The following MACROD2 variants were observed in gnomAD, a reference collection of about 807,000 sequenced individuals.
MACROD2 encodes ADP-ribose glycohydrolase MACROD2.
MACROD2 carries 36 observed loss-of-function variants against 70.4 expected under a neutral mutation model. The ratio of observed to expected loss-of-function variants is 0.51; its 90% CI spans 0.39 to 0.68. The LOEUF (loss-of-function observed/expected upper bound fraction) is 0.68. Among genes scored for constraint, MACROD2 ranks in the 30% least tolerant of loss-of-function variants. The pLI is 0.00. For missense variants in MACROD2, 496 were observed against 538.4 expected (o/e 0.92, Z 0.78); for synonymous variants, 172 against 178.8 (o/e 0.96, Z 0.30).
intron 7 of MACROD2, among the ~76,000 whole-genome samples, chr20:15,435,812 T>A (rs1164655265): frequency 6.6e-6 from 1 of 152,042 alleles, no homozygotes; most frequent in African/African-American, 2.4e-5. Flanking sequence ...AGTACACCAT[T>A]GTGGCGAATG....
At chr20:14,381,977 A>G (rs182708031) in intron 3 of MACROD2, among the ~76,000 whole-genome samples, 1 of 152,206 alleles carries the variant, frequency 6.6e-6, no homozygotes, top group East Asian at 1.9e-4. Context: ...GAACATGGTC[A>G]TTAGGTTTCC....
chr20:14,782,325 G>A (rs6042916), intron 5 of MACROD2, among the ~76,000 whole-genome samples: 1 of 151,988 alleles, frequency 6.6e-6, no homozygotes, highest in Non-Finnish European at 1.5e-5. Context: ...TAATGAAATA[G>A]AGAGTTATGC....
intron 5 of MACROD2, among the ~76,000 whole-genome samples, chr20:15,030,856 C>A (rs2075269017): frequency 1.3e-5 from 2 of 152,182 alleles, no homozygotes; most frequent in African/African-American, 2.4e-5. Context: ...CCCAGTGTCA[C>A]AGGATCTCTA....
intron 8 of MACROD2, among the ~76,000 whole-genome samples, chr20:15,623,835 C>T (rs463753): frequency 0.35 from 53,000 of 151,640 alleles, 9,612 homozygotes; most frequent in African/African-American, 0.46. Context: ...ACACATAATG[C>T]ATAGTATTCA....
intron 3 of MACROD2, among the ~76,000 whole-genome samples, chr20:14,371,234 C>T (rs2083320012): frequency 6.6e-6 from 1 of 151,958 alleles, no homozygotes; most frequent in South Asian, 2.1e-4. Flanking sequence ...CCTGTGATAC[C>T]AGCTCTTTGG....
At chr20:15,321,748 A>C (rs2077875592) in intron 6 of MACROD2, among the ~76,000 whole-genome samples, 1 of 144,322 alleles carries the variant, frequency 6.9e-6, no homozygotes, top group African/African-American at 2.5e-5. Context: ...ATCCATTTGC[A>C]TGTATAATGT....
At chr20:14,273,058 C>T (rs2082211918) in intron 3 of MACROD2, among the ~76,000 whole-genome samples, 1 of 151,878 alleles carries the variant, frequency 6.6e-6, no homozygotes, top group South Asian at 2.1e-4. Context: ...GACTTTAACA[C>T]CCCACTGTCA....
At chr20:15,717,497 A>G (rs1258727075) in intron 8 of MACROD2, among the ~76,000 whole-genome samples, 1 of 152,256 alleles carries the variant, frequency 6.6e-6, no homozygotes, top group African/African-American at 2.4e-5. Context: ...TAAATAGATT[A>G]TGCCAGAAGT....
In MACROD2 at chr20:15,369,491, T is replaced by C. The variant is rs1451451496; in HGVS notation, c.541-61914T>C. Among the ~76,000 whole-genome samples the C allele has an allele frequency of 4.7e-5, 7 of 148,864 alleles. No homozygotes were observed. In the East Asian group the frequency reaches 1.2e-3, roughly 25 times the overall value. On this transcript the variant is annotated intron_variant, in intron 6 of 17. Transcript: ENST00000684519. Reference sequence around the variant, plus strand: ...AATAAGATTTTAGGGAAAAATGTTATGTTTTATCTCAACAAAAAAGTCTAG... The same window carrying C: ...AATAAGATTTTAGGGAAAAATGTTACGTTTTATCTCAACAAAAAAGTCTAG...
At chr20:14,174,061 T>G in intron 3 of MACROD2, among the ~76,000 whole-genome samples, 1 of 152,108 alleles carries the variant, frequency 6.6e-6, no homozygotes. Flanking sequence ...GGTCCTTGGT[T>G]GTGTTTTTGT....
rs938286861 is a variant in MACROD2, at chr20:14,399,042, T to A, written c.272-94437T>A. The stretch of plus-strand genomic sequence containing the variant: ...GAGTATTTTTTTTTTTTTTTTGAGG[T>A]GGAGTCTCACTCTGTTTCCCAGGCT... On this transcript the variant is annotated intron_variant, in intron 3 of 17. Coordinates refer to ENST00000684519, the MANE Select transcript of MACROD2 (RefSeq NM_001351661.2). Among the ~76,000 whole-genome samples, 7 of 146,858 alleles carry A rather than the reference T, an allele frequency of 4.8e-5. No individual in the cohort carries two copies. In the Admixed American group the frequency reaches 4.9e-4, roughly 10 times the overall value.
At chr20:15,239,507 T>C (rs1239204006) in intron 6 of MACROD2, among the ~76,000 whole-genome samples, 1 of 152,158 alleles carries the variant, frequency 6.6e-6, no homozygotes, top group East Asian at 1.9e-4. Context: ...CTTTCCTGGA[T>C]GTCTTATCAA....
chr20:15,740,569 C>G (rs577220826), intron 8 of MACROD2, among the ~76,000 whole-genome samples: 21 of 152,254 alleles, frequency 1.4e-4, no homozygotes, highest in African/African-American at 4.8e-4. Flanking sequence ...AGCTATACTT[C>G]TTGTCCAGAC....
At chr20:15,269,304 C>T (rs1320772677) in intron 6 of MACROD2, among the ~76,000 whole-genome samples, 10 of 152,196 alleles carry the variant, frequency 6.6e-5, no homozygotes, top group African/African-American at 1.7e-4. Flanking sequence ...TGAGGTTTCT[C>T]TTCCCGAACT....
At chr20:14,142,460 A>G (rs1383142339) in intron 3 of MACROD2, among the ~76,000 whole-genome samples, 1 of 152,152 alleles carries the variant, frequency 6.6e-6, no homozygotes, top group Non-Finnish European at 1.5e-5. Context: ...GTGTTGTACC[A>G]TCCTTTCCTG....
intron 5 of MACROD2, 84 bp from the exon 6 acceptor site, chr20:15,229,856 C>A: frequency 1.3e-5 from 17 of 1,354,500 alleles, no homozygotes; most frequent in Non-Finnish European, 1.7e-5. Context: ...AACACAAATA[C>A]CTAAAATAAA....
intron 3 of MACROD2, among the ~76,000 whole-genome samples, chr20:14,226,577 G>C (rs1306269906): frequency 6.6e-6 from 1 of 152,170 alleles, no homozygotes; most frequent in Non-Finnish European, 1.5e-5. Flanking sequence ...GGGTGGGCGT[G>C]GGCTTGGCGG....
intron 5 of MACROD2, among the ~76,000 whole-genome samples, chr20:15,155,155 A>G (rs1041603969): frequency 3.9e-5 from 6 of 152,210 alleles, no homozygotes; most frequent in Non-Finnish European, 8.8e-5. Context: ...TTGCTAGTAT[A>G]TAGTGTAGAG....
chr20:15,987,324 A>G lies in MACROD2; in HGVS notation c.1153+166A>G, dbSNP rs543729646. 1.3e-5 allele frequency among the ~76,000 whole-genome samples: 2 copies of G among 152,246 alleles called. No homozygotes were observed. The highest frequency in any genetic ancestry group is 2.9e-5 in the Non-Finnish European group (2 of 68,038). ...GTTTGAAAGTAGAGTAAAATCTAGAAGTAGCAAAAGAAAATACTCGGAAGA... is the reference window on the plus strand; with the variant it reads ...GTTTGAAAGTAGAGTAAAATCTAGAGGTAGCAAAAGAAAATACTCGGAAGA... On this transcript the variant is annotated intron_variant, in intron 15 of 17. Transcript: ENST00000684519.
Sources: allele counts gnomAD v4.1 joint callset (sites outside exome capture counted in the v4.1 genomes callset), GRCh38; gene constraint gnomAD v4.1.1; transcripts MANE v1.5; gene names NCBI Gene and HGNC (gene_info 2026-07-23, HGNC 2026-07-21).